DEPDC1: variants seen among roughly 807,000 people sequenced by gnomAD.
DEPDC1 encodes DEP domain containing 1, also known as DEP domain-containing protein 1A.
DEPDC1 carries 66 observed loss-of-function variants against 86.8 expected under a neutral mutation model. That is an observed-to-expected ratio of 0.76 (90% confidence interval 0.62 to 0.93). DEPDC1 has a LOEUF of 0.93. Ranked by LOEUF, DEPDC1 falls within the 40% of genes least tolerant of loss-of-function variation. The pLI, the probability that DEPDC1 is intolerant of heterozygous loss-of-function variation, is 0.00. For synonymous variants in DEPDC1, 255 were observed against 314.9 expected (o/e 0.81, Z 2.02); for missense variants, 792 against 935.7 (o/e 0.85, Z 2.00).
rs1553156029 is a variant in DEPDC1 at position 68,484,954 on chromosome 1, A to ATT, written c.770-866_770-865dup. 2.0e-3 allele frequency among the ~76,000 whole-genome samples: 306 copies of ATT among 150,984 alleles called. 1 individual carries two copies. Among genetic ancestry groups the ATT allele is most frequent in the South Asian group, 4.4e-3 (21 of 4,796 alleles). On this transcript the variant is annotated intron_variant, in intron 6 of 11. Coordinates refer to ENST00000456315, the MANE Select transcript of DEPDC1 (RefSeq NM_001114120.3). ...TCTGGAGGCATATATATATATATATATTTTTTAAAGATTCCTGACCTACAG... is the reference window on the plus strand; with the variant it reads ...TCTGGAGGCATATATATATATATATATTTTTTTTAAAGATTCCTGACCTACAG...
At chr1:68,483,926 A>G (rs1646174896) in intron 7 of DEPDC1, 24 bp downstream of exon 7, 1 of 1,358,142 alleles carries the variant, frequency 7.4e-7, no homozygotes, top group Non-Finnish European at 9.9e-7. Flanking sequence ...AAAATGAACT[A>G]AAATCAGTAA....
intron 2 of DEPDC1, among the ~76,000 whole-genome samples, chr1:68,490,468 G>T (rs1646222523): frequency 6.6e-6 from 1 of 152,122 alleles, no homozygotes; most frequent in Non-Finnish European, 1.5e-5. Context: ...ATTCCATGGT[G>T]TATATGTACA....
rs1646251266 is a variant in DEPDC1 at position 68,494,529 on chromosome 1, G to A, written c.215C>T (p.Thr72Ile). ...NFGPEVTRQQ[T>I]IQLLRKFLKN... ...AAGAAATTTCCTCAACAGTTGGATAGTCTGTTGCCTTGTAACTTCAGGACC... is the reference window on the plus strand; with the variant it reads ...AAGAAATTTCCTCAACAGTTGGATAATCTGTTGCCTTGTAACTTCAGGACC... The change falls in exon 2 of 12, where the codon ACT (threonine) becomes ATT (isoleucine). Residue 72 changes from threonine (T) to isoleucine (I), a missense_variant. Physicochemically the swap from Thr to Ile is moderately conservative, Grantham distance 89 (BLOSUM62 -1). Coordinates refer to ENST00000456315, the MANE Select transcript of DEPDC1 (RefSeq NM_001114120.3). 1 of 1,613,630 alleles carries A rather than the reference G, an allele frequency of 6.2e-7. No homozygotes were observed. The highest frequency in any genetic ancestry group is 1.1e-5 in the South Asian group (1 of 91,070).
chr1:68,487,423 C>T (rs186455612), intron 5 of DEPDC1, among the ~76,000 whole-genome samples: 2 of 152,060 alleles, frequency 1.3e-5, no homozygotes, highest in Admixed American at 6.6e-5. Context: ...CACTATTATG[C>T]TGCTTTTATA....
chr1:68,495,057 A>T lies in DEPDC1; in HGVS notation c.49-362T>A, dbSNP rs185755765. Among the ~76,000 whole-genome samples the T allele has an allele frequency of 2.5e-3, 374 of 152,204 alleles. 4 individuals are homozygous for T. Among genetic ancestry groups the T allele is most frequent in the African/African-American group, 8.6e-3 (359 of 41,536 alleles). On this transcript the variant is annotated intron_variant, in intron 1 of 11. Transcript: ENST00000456315. ...CTCAGGAGGCTGAGTCAGGAGAATCACTTGAACCTGGGAGGCGGAGGTTGC... is the reference window on the plus strand; with the variant it reads ...CTCAGGAGGCTGAGTCAGGAGAATCTCTTGAACCTGGGAGGCGGAGGTTGC...
chr1:68,485,229 C>T (rs1233943225), intron 6 of DEPDC1, among the ~76,000 whole-genome samples: 1 of 151,256 alleles, frequency 6.6e-6, no homozygotes, highest in Non-Finnish European at 1.5e-5. Context: ...TTTCTAAGGA[C>T]ATAAGAAATA....
chr1:68,480,794 A>G (rs1479098055), intron 9 of DEPDC1, among the ~76,000 whole-genome samples: 1 of 151,984 alleles, frequency 6.6e-6, no homozygotes, highest in Non-Finnish European at 1.5e-5. Context: ...GGAAGAAAGC[A>G]TAACTCCGGA....
chr1:68,489,632 T>C lies in DEPDC1; in HGVS notation c.315-24A>G, dbSNP rs745396791. On this transcript the variant is annotated intron_variant, in intron 2 of 11. Transcript: ENST00000456315. ...ATCTGGTTTAAAAACAATAAGCAAT[T>C]AAATAATGTGAGATTAGAAACAAAC... 5.3e-6 allele frequency: 8 copies of C among 1,506,118 alleles called. No individual in the cohort carries two copies. In the African/African-American group the frequency reaches 1.2e-4, roughly 22 times the overall value. The allele number at this position is 1,506,118 out of a possible 1,614,324, so 93.3% of individuals were successfully genotyped here. A position where few individuals can be genotyped will look rare whatever the true frequency, so the allele number is the denominator to read the frequency against.
intron 1 of DEPDC1, among the ~76,000 whole-genome samples, chr1:68,495,661 G>A (rs1646259904): frequency 6.6e-6 from 1 of 152,148 alleles, no homozygotes. Flanking sequence ...GCAGTACAGG[G>A]TAGTGGCTTT....
chr1:68,482,638 C>T lies in DEPDC1; in HGVS notation c.1170G>A (p.Val390=), dbSNP rs1321781308. ...TTCCTCCCATTATGTCATTAGCACTCACTCTTCTGTTTCTTAAATTAACTA... is the reference window on the plus strand; with the variant it reads ...TTCCTCCCATTATGTCATTAGCACTTACTCTTCTGTTTCTTAAATTAACTA... ...MQLVNLRNRR[V]SANDIMGGSC... Residue 390 remains valine, a synonymous_variant, in exon 8 of 12, where the codon GTG becomes GTA. Transcript: ENST00000456315. The T allele has an allele frequency of 6.2e-7, 1 of 1,612,846 alleles. No homozygotes were observed.
At chr1:68,483,821 T>C (rs1460818640) in intron 7 of DEPDC1, 129 bp downstream of exon 7, 19 of 646,440 alleles carry the variant, frequency 2.9e-5, no homozygotes, top group Non-Finnish European at 4.6e-5. Context: ...CGGAACCTTA[T>C]TTCACTGAAT....
rs891347306 is a variant in DEPDC1, at chr1:68,481,922, T to C, written c.1762+124A>G. 1.4e-5 allele frequency: 14 copies of C among 1,005,490 alleles called. No homozygotes were observed. In the African/African-American group the frequency reaches 2.0e-4, roughly 14 times the overall value. 62.3% of individuals were successfully genotyped at this position (1,005,490 alleles called of 1,614,324 possible). A position where few individuals can be genotyped will look rare whatever the true frequency, so the allele number is the denominator to read the frequency against. ...GTTATGTCACAGACAAAAGTCTTTT[T>C]AAATAATTCCTCTTGGAGGAAAAAA... On this transcript the variant is annotated intron_variant, in intron 8 of 11. Transcript: ENST00000456315.
At chr1:68,492,095 CA>C (rs1646232780) in intron 2 of DEPDC1, among the ~76,000 whole-genome samples, 1 of 151,984 alleles carries the variant, frequency 6.6e-6, no homozygotes, top group Non-Finnish European at 1.5e-5. Flanking sequence ...GTAGTGACCT[CA>C]AAAGTTTGAA....
At position 68,484,092 on chromosome 1, in the gene DEPDC1, TA is replaced by T. The variant is rs762844119; in HGVS notation, c.770-3del. The T allele has an allele frequency of 1.3e-6, 2 of 1,543,796 alleles. No individual in the cohort carries two copies. The highest frequency in any genetic ancestry group is 2.6e-5 in the South Asian group (2 of 77,738). ...TATTCATATCATTGCTTCTTGGCCC[TA>T]AGAAGTAGAAGGCAAGAGAAAAAGG... On this transcript the variant is annotated splice_region_variant and splice_polypyrimidine_tract_variant and intron_variant, in intron 6 of 11. Coordinates refer to ENST00000456315, the MANE Select transcript of DEPDC1 (RefSeq NM_001114120.3).
At chr1:68,484,560 T>A (rs2100256515) in intron 6 of DEPDC1, among the ~76,000 whole-genome samples, 1 of 152,102 alleles carries the variant, frequency 6.6e-6, no homozygotes, top group Admixed American at 6.6e-5. Context: ...ACTATTGAAA[T>A]AATCATACCT....
Position 68,474,686 on chromosome 1 carries a change from A to C in DEPDC1, c.*2246T>G, listed in dbSNP as rs1290481824. 1 of 151,928 alleles carries C rather than the reference A, an allele frequency of 6.6e-6. No homozygotes were observed. The highest frequency in any genetic ancestry group is 1.5e-5 in the Non-Finnish European group (1 of 67,910). The allele number at this position is 151,928 out of a possible 1,614,324, so 9.4% of individuals were successfully genotyped here. ...CAACTACCACCAAATCTACCAGTCA[A>C]CTCATCTATATTTGAACTTAAAGAT... On this transcript the variant is annotated 3_prime_UTR_variant, in exon 12 of 12. Transcript: ENST00000456315.
chr1:68,483,809 C>T lies in DEPDC1; in HGVS notation c.910+141G>A. The stretch of plus-strand genomic sequence containing the variant: ...TTGGCTGGGCGGAAGTATGAGTAAC[C>T]TCGGAACCTTATTTCACTGAATTTT... On this transcript the variant is annotated intron_variant, in intron 7 of 11. Coordinates refer to ENST00000456315, the MANE Select transcript of DEPDC1 (RefSeq NM_001114120.3). The T allele has an allele frequency of 6.9e-6, 4 of 582,088 alleles. No individual in the cohort carries two copies. In the East Asian group the frequency reaches 1.0e-4, roughly 15 times the overall value. The allele number at this position is 582,088 out of a possible 1,614,324, so 36.1% of individuals were successfully genotyped here.
rs1223192425 is a variant in DEPDC1 at position 68,482,058 on chromosome 1, T to G, written c.1750A>C (p.Thr584Pro). 2 of 1,590,496 alleles carry G rather than the reference T, an allele frequency of 1.3e-6. No individual in the cohort carries two copies. The highest frequency in any genetic ancestry group is 3.6e-5 in the Admixed American group (2 of 55,640). The change falls in exon 8 of 12, where the codon ACT (threonine) becomes CCT (proline). Residue 584 changes from threonine (T) to proline (P), a missense_variant. Transcript: ENST00000456315. The part of the protein sequence containing the change: ...NSLLPASSML[T>P]GTQSLLQPHL... ...GCAACAGCCTTACTTTGTGTGCCAG[T>G]CAACATAGAAGAAGCTGGAAGTAAA...
At chr1:68,490,889 A>G (rs1196539312) in intron 2 of DEPDC1, among the ~76,000 whole-genome samples, 1 of 152,180 alleles carries the variant, frequency 6.6e-6, no homozygotes, top group Non-Finnish European at 1.5e-5. Context: ...ATGCACCTAC[A>G]ACCAACTGAT....
Sources: allele counts gnomAD v4.1 joint callset (sites outside exome capture counted in the v4.1 genomes callset), GRCh38; gene constraint gnomAD v4.1.1; transcripts MANE v1.5; gene names NCBI Gene and HGNC (gene_info 2026-07-23, HGNC 2026-07-21).